The following HS3ST5 variants were observed in gnomAD, a reference collection of about 807,000 sequenced individuals.
HS3ST5 encodes the protein heparan sulfate glucosamine 3-O-sulfotransferase 5.
A neutral mutation model predicts 25.4 loss-of-function variants in HS3ST5; 10 were observed. That is an observed-to-expected ratio of 0.39 (90% confidence interval 0.24 to 0.67). The LOEUF is 0.67. Among genes scored for constraint, HS3ST5 ranks in the 30% least tolerant of loss-of-function variants. The pLI is 0.44. For missense variants in HS3ST5, 324 were observed against 420.7 expected (o/e 0.77, Z 2.01); for synonymous variants, 170 against 162.4 (o/e 1.05, Z -0.36).
intron 1 of HS3ST5, among the ~76,000 whole-genome samples, chr6:114,304,186 G>A (rs1159533547): frequency 6.6e-6 from 1 of 152,072 alleles, no homozygotes; most frequent in African/African-American, 2.4e-5. Flanking sequence ...CTACTTATAA[G>A]GAAGCAGTTA....
rs183745114 is a variant in HS3ST5 at position 114,253,264 on chromosome 6, A to T, written c.-338-24486T>A. Reference sequence around the variant, plus strand: ...AATATATGAAACACATTATTTCAACATGTAATCATAAAAATATTAATAAGA... The same window carrying T: ...AATATATGAAACACATTATTTCAACTTGTAATCATAAAAATATTAATAAGA... On this transcript the variant is annotated intron_variant, in intron 1 of 4. Transcript: ENST00000312719. Among the ~76,000 whole-genome samples the T allele has an allele frequency of 1.8e-4, 28 of 152,348 alleles. 1 individual carries two copies. Among genetic ancestry groups the T allele is most frequent in the Admixed American group, 1.8e-3 (27 of 15,298 alleles).
chr6:114,221,285 T>A (rs984352188), intron 2 of HS3ST5, among the ~76,000 whole-genome samples: 3 of 152,010 alleles, frequency 2.0e-5, no homozygotes, highest in African/African-American at 7.2e-5. Flanking sequence ...CCTACATTTT[T>A]AATAAAATTA....
chr6:114,332,191 C>G (rs1776426834), intron 1 of HS3ST5, among the ~76,000 whole-genome samples: 1 of 152,100 alleles, frequency 6.6e-6, no homozygotes, highest in Admixed American at 6.6e-5. Flanking sequence ...TGGATGCTTA[C>G]TTCTAGGCAG....
At chr6:114,098,851 T>G (rs1775581892) in intron 3 of HS3ST5, among the ~76,000 whole-genome samples, 1 of 152,120 alleles carries the variant, frequency 6.6e-6, no homozygotes, top group South Asian at 2.1e-4. Context: ...ATTAAAAATA[T>G]GTACATACAC....
At chr6:114,121,600 T>C (rs1476323125) in intron 3 of HS3ST5, among the ~76,000 whole-genome samples, 1 of 152,158 alleles carries the variant, frequency 6.6e-6, no homozygotes, top group African/African-American at 2.4e-5. Context: ...AATACAATAC[T>C]AGTATTTATT....
intron 3 of HS3ST5, among the ~76,000 whole-genome samples, chr6:114,120,890 A>G (rs1776755139): frequency 6.6e-6 from 1 of 152,170 alleles, no homozygotes; most frequent in Non-Finnish European, 1.5e-5. Context: ...GAGGTCTTAC[A>G]TATTTCTTTT....
chr6:114,174,328 G>A (rs1779614160), intron 2 of HS3ST5, among the ~76,000 whole-genome samples: 1 of 151,970 alleles, frequency 6.6e-6, no homozygotes, highest in Non-Finnish European at 1.5e-5. Context: ...CCCTATCACA[G>A]AGTGATGCAA....
chr6:114,241,589 T>A (rs1772129735), intron 1 of HS3ST5, among the ~76,000 whole-genome samples: 1 of 152,210 alleles, frequency 6.6e-6, no homozygotes, highest in African/African-American at 2.4e-5. Context: ...GGTAATAAGA[T>A]CTCAGGTAAT....
rs79215197 is a variant in HS3ST5, at chr6:114,175,979, C to T, written c.-144-7517G>A. On this transcript the variant is annotated intron_variant, in intron 2 of 4. Coordinates refer to ENST00000312719, the MANE Select transcript of HS3ST5 (RefSeq NM_153612.4). ...ATAATGAAATATTTCACTAGTAACA[C>T]CCACAGAATTGTTTTCATTGGCTCT... Among the ~76,000 whole-genome samples the T allele has an allele frequency of 1.1e-4, 16 of 152,208 alleles. No individual in the cohort carries two copies. The East Asian group carries it at 3.1e-3, about 29-fold the overall frequency.
intron 3 of HS3ST5, among the ~76,000 whole-genome samples, chr6:114,148,902 C>T (rs543131831): frequency 6.6e-6 from 1 of 152,018 alleles, no homozygotes; most frequent in Admixed American, 6.6e-5. Context: ...GAAAAACAAC[C>T]CCATCAAAAA....
chr6:114,087,643 G>A (rs1005157935), intron 3 of HS3ST5, among the ~76,000 whole-genome samples: 15 of 152,156 alleles, frequency 9.9e-5, no homozygotes, highest in Non-Finnish European at 1.5e-5. Context: ...CTATGCAAAA[G>A]AATAGTTCTA....
At chr6:114,231,731 C>G (rs948888316) in intron 1 of HS3ST5, among the ~76,000 whole-genome samples, 5 of 148,778 alleles carry the variant, frequency 3.4e-5, no homozygotes, top group Admixed American at 6.8e-5. Context: ...TTGGTCTCCA[C>G]TCTGAGGCTT....
intron 1 of HS3ST5, among the ~76,000 whole-genome samples, chr6:114,255,255 G>A (rs1772853160): frequency 6.6e-6 from 1 of 152,212 alleles, no homozygotes; most frequent in Non-Finnish European, 1.5e-5. Flanking sequence ...GATCTCCATT[G>A]ACTCCATGTT....
intron 1 of HS3ST5, among the ~76,000 whole-genome samples, chr6:114,307,815 C>G (rs1000757973): frequency 6.6e-6 from 1 of 151,712 alleles, no homozygotes; most frequent in African/African-American, 2.4e-5. Context: ...AATTTCTTAT[C>G]AATATATTAT....
chr6:114,328,479 T>A (rs1417033030), intron 1 of HS3ST5, among the ~76,000 whole-genome samples: 1 of 152,148 alleles, frequency 6.6e-6, no homozygotes, highest in Admixed American at 6.6e-5. Context: ...TTGTACAATC[T>A]GCCTGTTTTC....
intron 1 of HS3ST5, among the ~76,000 whole-genome samples, chr6:114,333,715 G>A (rs1387323402): frequency 6.6e-6 from 1 of 151,640 alleles, no homozygotes; most frequent in Non-Finnish European, 1.5e-5. Flanking sequence ...ACACGATCTC[G>A]GATCACTGCA....
chr6:114,072,119 A>G (rs1472028730), intron 3 of HS3ST5, among the ~76,000 whole-genome samples: 2 of 152,182 alleles, frequency 1.3e-5, no homozygotes, highest in Non-Finnish European at 2.9e-5. Flanking sequence ...AAAGCTGAAA[A>G]TATTGCAGAT....
intron 2 of HS3ST5, among the ~76,000 whole-genome samples, chr6:114,218,716 G>C (rs1056466840): frequency 3.9e-5 from 6 of 152,164 alleles, no homozygotes; most frequent in African/African-American, 1.4e-4. Flanking sequence ...GTATTACTTG[G>C]TCCCTGTTCA....
chr6:114,257,928 T>A (rs529000000), intron 1 of HS3ST5, among the ~76,000 whole-genome samples: 1 of 152,082 alleles, frequency 6.6e-6, no homozygotes, highest in East Asian at 1.9e-4. Context: ...GATAGATAGA[T>A]TGATTGATTG....
Sources: gnomAD v4.1 joint callset for allele counts (sites outside exome capture counted in the v4.1 genomes callset) on GRCh38, gnomAD v4.1.1 for gene constraint, MANE v1.5 for transcripts, NCBI Gene and HGNC (gene_info 2026-07-23, HGNC 2026-07-21) for gene names.